INTS2: variants seen among roughly 807,000 people sequenced by gnomAD.
The protein encoded by INTS2 is integrator complex subunit 2.
Under a neutral mutation model 139.6 loss-of-function variants are expected in INTS2, and 57 were observed. That is an observed-to-expected ratio of 0.41 (90% CI 0.33 to 0.51). The LOEUF is 0.51. Among genes scored for constraint, INTS2 ranks in the 20% least tolerant of loss-of-function variants. The pLI, the probability that INTS2 is intolerant of heterozygous loss-of-function variation, is 0.28. For synonymous variants in INTS2, 473 were observed against 493.4 expected (o/e 0.96, Z 0.55); for missense variants, 1,196 against 1,436.7 (o/e 0.83, Z 2.71).
chr17:61,912,075 C>A lies in INTS2; in HGVS notation c.650-5G>T, dbSNP rs751185328. On this transcript the variant is annotated splice_polypyrimidine_tract_variant and splice_region_variant and intron_variant, in intron 5 of 24. Transcript: ENST00000251334. ...TTTTTATCAGGCCCCTACAAACTAA[C>A]ATGATAGAAACCATCTTCTTCAGCC... The A allele has an allele frequency of 6.2e-7, 1 of 1,611,784 alleles. No homozygotes were observed. Among genetic ancestry groups the A allele is most frequent in the Non-Finnish European group, 8.5e-7 (1 of 1,179,114 alleles).
In INTS2 at chr17:61,893,003, G is replaced by T. The variant is rs929426205; in HGVS notation, c.1698+762C>A. ...CCAGGAGTGGTGGCTCGCACCTGTA[G>T]TTCCAGCTACTTAGGAGGCTGTGGC... On this transcript the variant is annotated intron_variant, in intron 13 of 24. Coordinates refer to ENST00000251334, the MANE Select transcript of INTS2 (RefSeq NM_001351695.2). This position sits in a 1 kb window ranked among gnomAD's most constrained non-coding sequence, Gnocchi z 5.4. 3.5e-5 allele frequency among the ~76,000 whole-genome samples: 5 copies of T among 143,992 alleles called. No homozygotes were observed. The highest frequency in any genetic ancestry group is 1.4e-4 in the Admixed American group (2 of 14,204). The allele number at this position is 143,992 out of a possible 152,430, so 94.5% of individuals were successfully genotyped here. A position where few individuals can be genotyped will look rare whatever the true frequency, so the allele number is the denominator to read the frequency against.
rs1428059830 is a variant in INTS2, at chr17:61,866,400, G to C, written c.*1157C>G. On this transcript the variant is annotated 3_prime_UTR_variant, in exon 25 of 25. Transcript: ENST00000251334. ...ACACAAGTGAAGAGGTCTGTTTCAA[G>C]TGGGGGTGGGGAAGTGTGTGATTGA... The C allele has an allele frequency of 1.3e-5, 2 of 151,280 alleles. No homozygotes were observed. The highest frequency in any genetic ancestry group is 2.9e-5 in the Non-Finnish European group (2 of 67,894). The allele number at this position is 151,280 out of a possible 1,614,324, so 9.4% of individuals were successfully genotyped here.
In INTS2 at chr17:61,897,515, T is replaced by G. The variant is rs1227006041; in HGVS notation, c.1448A>C (p.Gln483Pro). 1 of 1,604,562 alleles carries G rather than the reference T, an allele frequency of 6.2e-7. No homozygotes were observed. ...LLVAMYFHSN[Q>P]LSAIIDLVCS... is the part of the protein sequence containing the mutation. ...GACCAAGTCAATGATAGCACTAAGCTGGTTGCTGTGAAAGTACATAGCCAC... is the reference window on the plus strand; with the variant it reads ...GACCAAGTCAATGATAGCACTAAGCGGGTTGCTGTGAAAGTACATAGCCAC... Residue 483 changes from glutamine to proline, a missense_variant, in exon 11 of 25, where the codon CAG becomes CCG. By Grantham distance (76) the Gln-to-Pro change is moderately conservative. Coordinates refer to ENST00000251334, the MANE Select transcript of INTS2 (RefSeq NM_001351695.2). The surrounding 1 kb of genome is among the most constrained non-coding windows in gnomAD (Gnocchi z 4.4).
At chr17:61,874,350 C>A (rs2079111186) in intron 19 of INTS2, among the ~76,000 whole-genome samples, 1 of 152,098 alleles carries the variant, frequency 6.6e-6, no homozygotes, top group Admixed American at 6.6e-5. Context: ...AAAGGAAAGC[C>A]CCTCAACTTA....
chr17:61,919,527 A>G lies in INTS2; in HGVS notation c.536-14T>C, dbSNP rs2079617707. On this transcript the variant is annotated splice_polypyrimidine_tract_variant and intron_variant, in intron 4 of 24. Coordinates refer to ENST00000251334, the MANE Select transcript of INTS2 (RefSeq NM_001351695.2). ...AGGAAGGGAGCTCTACAAGAAAACA[A>G]AGTCAGTGTTAGTCTTTGTTAACAG... 1 of 1,415,268 alleles carries G rather than the reference A, an allele frequency of 7.1e-7. No homozygotes were observed. The highest frequency in any genetic ancestry group is 9.9e-7 in the Non-Finnish European group (1 of 1,014,286). The allele number at this position is 1,415,268 out of a possible 1,614,324, so 87.7% of individuals were successfully genotyped here.
intron 15 of INTS2, among the ~76,000 whole-genome samples, chr17:61,889,327 TC>T (rs1326660395): frequency 6.6e-6 from 1 of 152,094 alleles, no homozygotes; most frequent in African/African-American, 2.4e-5. Context: ...CCTCAGGTGA[TC>T]CGCCCACCTC....
At chr17:61,923,293 C>T (rs997484418) in intron 3 of INTS2, among the ~76,000 whole-genome samples, 7 of 150,182 alleles carry the variant, frequency 4.7e-5, no homozygotes, top group East Asian at 4.0e-4. Context: ...CTGGCTAACA[C>T]GGTGAAACCC....
Position 61,893,912 on chromosome 17 carries a change from A to G in INTS2, c.1564-13T>C. 6.5e-7 allele frequency: 1 copy of G among 1,531,212 alleles called. No individual in the cohort carries two copies. Among genetic ancestry groups the G allele is most frequent in the Non-Finnish European group, 8.8e-7 (1 of 1,133,634 alleles). 94.9% of individuals were successfully genotyped at this position (1,531,212 alleles called of 1,614,324 possible). A position where few individuals can be genotyped will look rare whatever the true frequency, so the allele number is the denominator to read the frequency against. ...GAGCTGTGACAACCTAAAAGGGAAA[A>G]ATAGCATTAGTAATATAATAGAACT... On this transcript the variant is annotated splice_polypyrimidine_tract_variant and intron_variant, in intron 12 of 24. Coordinates refer to ENST00000251334, the MANE Select transcript of INTS2 (RefSeq NM_001351695.2). The surrounding 1 kb of genome is among the most constrained non-coding windows in gnomAD (Gnocchi z 5.4).
chr17:61,874,790 G>A, intron 19 of INTS2, 123 bp downstream of exon 19: 2 of 647,160 alleles, frequency 3.1e-6, no homozygotes, highest in Admixed American at 4.1e-5. Context: ...AAACCGCACA[G>A]GTCACACTGC....
chr17:61,869,451 G>T lies in INTS2; in HGVS notation c.3031-71C>A. The T allele has an allele frequency of 8.7e-7, 1 of 1,143,772 alleles. No individual in the cohort carries two copies. The highest frequency in any genetic ancestry group is 1.3e-6 in the Non-Finnish European group (1 of 792,634). The allele number at this position is 1,143,772 out of a possible 1,614,324, so 70.9% of individuals were successfully genotyped here. On this transcript the variant is annotated intron_variant, in intron 21 of 24. Transcript: ENST00000251334. The surrounding 1 kb of genome is among the most constrained non-coding windows in gnomAD (Gnocchi z 5.4). Reference sequence around the variant, plus strand: ...TAAAAGTACAGATAAAAATACAAATGAAAGATTTCATTTCCTTTCTGTAAA... The same window carrying T: ...TAAAAGTACAGATAAAAATACAAATTAAAGATTTCATTTCCTTTCTGTAAA...
rs1232425876 is a variant in INTS2, at chr17:61,880,994, T to A, written c.2254+13A>T. 9 of 1,605,488 alleles carry A rather than the reference T, an allele frequency of 5.6e-6. No individual in the cohort carries two copies. Among genetic ancestry groups the A allele is most frequent in the Non-Finnish European group, 7.7e-6 (9 of 1,172,656 alleles). On this transcript the variant is annotated intron_variant, in intron 17 of 24. Transcript: ENST00000251334. ...ACAAAAGGGGTTAAAGGAGTATCAATAATTTACTATACCTTCTTGGAGTTG... is the reference window on the plus strand; with the variant it reads ...ACAAAAGGGGTTAAAGGAGTATCAAAAATTTACTATACCTTCTTGGAGTTG...
At chr17:61,888,460 A>G (rs532466598) in intron 15 of INTS2, among the ~76,000 whole-genome samples, 1 of 152,314 alleles carries the variant, frequency 6.6e-6, no homozygotes, top group South Asian at 2.1e-4. Flanking sequence ...ATACCACTTT[A>G]TAATGATATC....
At chr17:61,898,888 A>ACAGG (rs1336780696) in intron 9 of INTS2, among the ~76,000 whole-genome samples, 1 of 152,212 alleles carries the variant, frequency 6.6e-6, no homozygotes, top group Non-Finnish European at 1.5e-5. Flanking sequence ...TGCTGGGAAT[A>ACAGG]CAGGCCTGAG....
rs774292506 is a variant in INTS2 at position 61,897,444 on chromosome 17, T to C, written c.1494+25A>G. ...CAGCTTAGAAACACCTTTTTTTTTT[T>C]AGAAAGAAGTTAAAAGAAAATTACC... On this transcript the variant is annotated intron_variant, in intron 11 of 24. Transcript: ENST00000251334. This position sits in a 1 kb window ranked among gnomAD's most constrained non-coding sequence, Gnocchi z 4.4. The C allele has an allele frequency of 7.3e-7, 1 of 1,361,586 alleles. No homozygotes were observed. The highest frequency in any genetic ancestry group is 2.5e-5 in the East Asian group (1 of 40,524). 84.3% of individuals were successfully genotyped at this position (1,361,586 alleles called of 1,614,324 possible). A position where few individuals can be genotyped will look rare whatever the true frequency, so the allele number is the denominator to read the frequency against.
In INTS2 at chr17:61,872,801, GAGCTCTTTA is replaced by G. The variant is rs759561378; in HGVS notation, c.2583-350_2583-342del. Among the ~76,000 whole-genome samples, 14 of 152,160 alleles carry G rather than the reference GAGCTCTTTA, an allele frequency of 9.2e-5. No homozygotes were observed. Among genetic ancestry groups the G allele is most frequent in the Non-Finnish European group, 1.8e-4 (12 of 67,996 alleles). ...AAAGCTGATATCCTTTATAGATAAA[GAGCTCTTTA>G]AGTCAATAAAAAATATAGGCTAAAA... On this transcript the variant is annotated intron_variant, in intron 19 of 24. Coordinates refer to ENST00000251334, the MANE Select transcript of INTS2 (RefSeq NM_001351695.2). The surrounding 1 kb of genome is among the most constrained non-coding windows in gnomAD (Gnocchi z 4.8).
Position 61,868,572 on chromosome 17 carries a change from C to T in INTS2, c.3244+462G>A, listed in dbSNP as rs1005308911. Among the ~76,000 whole-genome samples, 1 of 151,982 alleles carries T rather than the reference C, an allele frequency of 6.6e-6. No homozygotes were observed. Among genetic ancestry groups the T allele is most frequent in the African/African-American group, 2.4e-5 (1 of 41,396 alleles). On this transcript the variant is annotated intron_variant, in intron 23 of 24. Transcript: ENST00000251334. The surrounding 1 kb of genome is among the most constrained non-coding windows in gnomAD (Gnocchi z 4.7). ...TTTCAGACCATTTTATTCTACAAAC[C>T]AGAAGGTGGTTAAAATATCAGAATA... is the stretch of plus-strand genomic sequence containing the variant.
Position 61,865,437 on chromosome 17 carries a change from GAAT to G in INTS2, c.*2117_*2119del, listed in dbSNP as rs1409221991. On this transcript the variant is annotated 3_prime_UTR_variant, in exon 25 of 25. Transcript: ENST00000251334. This position sits in a 1 kb window ranked among gnomAD's most constrained non-coding sequence, Gnocchi z 4.8. Reference sequence around the variant, plus strand: ...TAGCTGCACACATCTGTTTTCACTTGAATAAAAAAACACATTGTGACAAATTTT... The same window carrying G: ...TAGCTGCACACATCTGTTTTCACTTGAAAAAAACACATTGTGACAAATTTT... 1 of 152,310 alleles carries G rather than the reference GAAT, an allele frequency of 6.6e-6. No individual in the cohort carries two copies. The highest frequency in any genetic ancestry group is 2.4e-5 in the African/African-American group (1 of 41,340). The allele number at this position is 152,310 out of a possible 1,614,324, so 9.4% of individuals were successfully genotyped here.
chr17:61,924,223 TAC>T (rs1339039745), intron 3 of INTS2, among the ~76,000 whole-genome samples: 3 of 152,218 alleles, frequency 2.0e-5, no homozygotes, highest in African/African-American at 7.2e-5. Flanking sequence ...ATGAATCACA[TAC>T]ATTTTTCAGT....
Position 61,919,600 on chromosome 17 carries a change from T to C in INTS2, c.536-87A>G, listed in dbSNP as rs1335356592. 1.0e-5 allele frequency: 7 copies of C among 695,758 alleles called. No individual in the cohort carries two copies. The Admixed American group carries it at 1.7e-4, about 17-fold the overall frequency. The allele number at this position is 695,758 out of a possible 1,614,324, so 43.1% of individuals were successfully genotyped here. On this transcript the variant is annotated intron_variant, in intron 4 of 24. Transcript: ENST00000251334. ...AATTTTTTTTATTTTCTGTGGAGAC[T>C]GAATCTCACTGTGTTGCCCAGGTGG... is the stretch of plus-strand genomic sequence containing the variant.
Sources: allele counts gnomAD v4.1 joint callset (sites outside exome capture counted in the v4.1 genomes callset), GRCh38; gene constraint gnomAD v4.1.1; non-coding constraint Gnocchi (gnomAD v3.1); transcripts MANE v1.5; gene names NCBI Gene and HGNC (gene_info 2026-07-23, HGNC 2026-07-21).